IGF1R: variants seen among roughly 807,000 people sequenced by gnomAD.
The protein encoded by IGF1R is insulin like growth factor 1 receptor, also known as insulin-like growth factor 1 receptor.
Under a neutral mutation model 144.6 loss-of-function variants are expected in IGF1R, and 44 were observed. The ratio of observed to expected loss-of-function variants is 0.30; its 90% CI spans 0.24 to 0.39. The LOEUF (loss-of-function observed/expected upper bound fraction) is 0.39. Ranked by LOEUF, IGF1R falls within the 10% of genes least tolerant of loss-of-function variation. The pLI is 1.00. For synonymous variants in IGF1R, 795 were observed against 722.8 expected (o/e 1.10, Z -1.60); for missense variants, 1,355 against 1,833.7 (o/e 0.74, Z 4.77).
intron 2 of IGF1R, among the ~76,000 whole-genome samples, chr15:98,770,711 G>T (rs986444730): frequency 6.6e-6 from 1 of 152,102 alleles, no homozygotes; most frequent in Non-Finnish European, 1.5e-5. Flanking sequence ...TAAGTTGGCC[G>T]TTAGCTGTCA....
intron 2 of IGF1R, among the ~76,000 whole-genome samples, chr15:98,812,664 G>C (rs2056615952): frequency 6.6e-6 from 1 of 152,038 alleles, no homozygotes; most frequent in Non-Finnish European, 1.5e-5. Flanking sequence ...GGCCAAAAAA[G>C]CTTTTGAAAA....
rs139446141 is a variant in IGF1R, at chr15:98,705,375, A to G, written c.95-2187A>G. On this transcript the variant is annotated intron_variant, in intron 1 of 20. Coordinates refer to ENST00000650285, the MANE Select transcript of IGF1R (RefSeq NM_000875.5). ...GTAACCAGGAGGTGAGGGTGCTGAG[A>G]GGTGGGACTATTGACAAGCCTTGTG... Among the ~76,000 whole-genome samples, 258 of 152,260 alleles carry G rather than the reference A, an allele frequency of 1.7e-3. 2 individuals carry two copies. Among genetic ancestry groups the G allele is most frequent in the African/African-American group, 5.9e-3 (245 of 41,544 alleles).
chr15:98,781,006 C>T (rs563267993), intron 2 of IGF1R, among the ~76,000 whole-genome samples: 31 of 152,252 alleles, frequency 2.0e-4, no homozygotes, highest in African/African-American at 7.2e-4. Flanking sequence ...ATTGTCATGT[C>T]CACTTCTCAG....
At chr15:98,788,906 A>ATT (rs960407306) in intron 2 of IGF1R, among the ~76,000 whole-genome samples, 2 of 149,298 alleles carry the variant, frequency 1.3e-5, no homozygotes, top group Admixed American at 6.7e-5. Flanking sequence ...TATTTCTAGC[A>ATT]TTTTTTTTTC....
chr15:98,824,328 T>A (rs1337710103), intron 2 of IGF1R: 2 of 152,304 alleles, frequency 1.3e-5, no homozygotes, highest in African/African-American at 4.8e-5. Flanking sequence ...GCCCTTTATG[T>A]TTTCCTCTGC....
chr15:98,850,385 C>G (rs1028921549), intron 2 of IGF1R, among the ~76,000 whole-genome samples: 11 of 152,198 alleles, frequency 7.2e-5, no homozygotes, highest in African/African-American at 2.7e-4. Context: ...AGCACTGCTT[C>G]CATGGTCTGG....
intron 2 of IGF1R, among the ~76,000 whole-genome samples, chr15:98,747,398 A>C (rs7176395): frequency 1.3e-5 from 2 of 151,978 alleles, no homozygotes; most frequent in African/African-American, 4.8e-5. Context: ...GGGTTTCACT[A>C]TGTTGGCCTG....
intron 2 of IGF1R, among the ~76,000 whole-genome samples, chr15:98,799,983 C>G (rs769391366): frequency 6.6e-6 from 1 of 152,146 alleles, no homozygotes; most frequent in Admixed American, 6.5e-5. Flanking sequence ...GCACTCTGTT[C>G]TTATGTAATT....
chr15:98,659,046 C>T (rs754988045), intron 1 of IGF1R, among the ~76,000 whole-genome samples: 1 of 152,316 alleles, frequency 6.6e-6, no homozygotes, highest in African/African-American at 2.4e-5. Context: ...TGCTACTGTT[C>T]TTAGGGTTGT....
intron 2 of IGF1R, among the ~76,000 whole-genome samples, chr15:98,715,911 TG>T (rs1322780172): frequency 9.2e-5 from 14 of 152,188 alleles, no homozygotes; most frequent in Non-Finnish European, 1.0e-4. Flanking sequence ...TAGAGCAGGC[TG>T]TTTAAATCAC....
At position 98,942,060 on chromosome 15, in the gene IGF1R, A is replaced by G. The variant is rs73465741; in HGVS notation, c.3458-863A>G. 2.6e-3 allele frequency among the ~76,000 whole-genome samples: 399 copies of G among 152,294 alleles called. 2 individuals are homozygous for G. The highest frequency in any genetic ancestry group is 9.3e-3 in the African/African-American group (387 of 41,564). On this transcript the variant is annotated intron_variant, in intron 18 of 20. Coordinates refer to ENST00000650285, the MANE Select transcript of IGF1R (RefSeq NM_000875.5). ...TTATGTTGAAAAACAGTATTGAGTAATAGCTTCAGGGGCCTCGTAAATAGC... is the reference window on the plus strand; with the variant it reads ...TTATGTTGAAAAACAGTATTGAGTAGTAGCTTCAGGGGCCTCGTAAATAGC...
At chr15:98,895,894 T>C (rs1480033607) in intron 3 of IGF1R, among the ~76,000 whole-genome samples, 1 of 152,212 alleles carries the variant, frequency 6.6e-6, no homozygotes, top group Non-Finnish European at 1.5e-5. Flanking sequence ...TTGTCTTGTT[T>C]GGAAATCAGT....
chr15:98,887,057 CGAAG>C (rs1397367704), intron 2 of IGF1R, among the ~76,000 whole-genome samples: 3 of 152,146 alleles, frequency 2.0e-5, no homozygotes, highest in African/African-American at 7.2e-5. Context: ...TCATTTAACA[CGAAG>C]GAACCCCTTG....
Position 98,957,620 on chromosome 15 carries a change from CT to C in IGF1R, c.*184del. ...GCAGTAAAACACATTTGGGATGTTC[CT>C]TTTTTCAATATGCAAGCAGCTTTTT... On this transcript the variant is annotated 3_prime_UTR_variant, in exon 21 of 21. Coordinates refer to ENST00000650285, the MANE Select transcript of IGF1R (RefSeq NM_000875.5). 1 of 731,062 alleles carries C rather than the reference CT, an allele frequency of 1.4e-6. No individual in the cohort carries two copies. Among genetic ancestry groups the C allele is most frequent in the Non-Finnish European group, 2.2e-6 (1 of 446,418 alleles). 45.3% of individuals were successfully genotyped at this position (731,062 alleles called of 1,614,324 possible). A position where few individuals can be genotyped will look rare whatever the true frequency, so the allele number is the denominator to read the frequency against.
intron 15 of IGF1R, among the ~76,000 whole-genome samples, chr15:98,934,372 A>G (rs778666139): frequency 1.1e-4 from 16 of 152,024 alleles, no homozygotes; most frequent in Middle Eastern, 3.2e-3. Flanking sequence ...CCCTCTCCCT[A>G]CTACTCTCCT....
At chr15:98,767,430 C>T (rs545993758) in intron 2 of IGF1R, among the ~76,000 whole-genome samples, 17 of 152,170 alleles carry the variant, frequency 1.1e-4, no homozygotes, top group Non-Finnish European at 2.2e-4. Flanking sequence ...TGTAATTATC[C>T]GGTGGGGCTT....
In IGF1R at chr15:98,649,421, G is replaced by C. The variant is rs1440485001; in HGVS notation, c.-161G>C. On this transcript the variant is annotated 5_prime_UTR_variant, in exon 1 of 21. Coordinates refer to ENST00000650285, the MANE Select transcript of IGF1R (RefSeq NM_000875.5). ...TCCGCGCACCCGGAGGGCCCCGGCG[G>C]CGCCGCCTTCGGAGTATTGTTTCCT... 5 of 442,024 alleles carry C rather than the reference G, an allele frequency of 1.1e-5. No homozygotes were observed. The highest frequency in any genetic ancestry group is 1.9e-5 in the Non-Finnish European group (5 of 262,526). The allele number at this position is 442,024 out of a possible 1,614,324, so 27.4% of individuals were successfully genotyped here.
chr15:98,901,947 C>G (rs998648278), intron 5 of IGF1R, among the ~76,000 whole-genome samples: 3 of 152,132 alleles, frequency 2.0e-5, no homozygotes, highest in Non-Finnish European at 4.4e-5. Context: ...GTTTTGCACG[C>G]AGGTATAAAG....
intron 19 of IGF1R, among the ~76,000 whole-genome samples, chr15:98,947,356 G>C (rs751662983): frequency 6.6e-6 from 1 of 152,186 alleles, no homozygotes; most frequent in Non-Finnish European, 1.5e-5. Flanking sequence ...TGTGGGCTTG[G>C]GCACAAGGTC....
Sources: allele counts gnomAD v4.1 joint callset (sites outside exome capture counted in the v4.1 genomes callset), GRCh38; gene constraint gnomAD v4.1.1; transcripts MANE v1.5; gene names NCBI Gene and HGNC (gene_info 2026-07-23, HGNC 2026-07-21).